Variants in RRAS2 observed in about 807,000 individuals in gnomAD.
The protein encoded by RRAS2 is ras-related protein R-Ras2.
In RRAS2, 7 loss-of-function variants were observed where a neutral mutation model predicts 27.6. That is an observed-to-expected ratio of 0.25 (90% CI 0.14 to 0.48). RRAS2 has a LOEUF of 0.48. Ranked by LOEUF, RRAS2 falls within the 20% of genes least tolerant of loss-of-function variation. RRAS2 has a pLI of 0.99. For missense variants in RRAS2, 178 were observed against 256.2 expected, an observed-to-expected ratio of 0.69 and a Z score of 2.08; for synonymous variants, 86 against 90.9, an observed-to-expected ratio of 0.95 and a Z score of 0.31.
At position 14,278,692 on chromosome 11, in the gene RRAS2, C is replaced by T. The variant is rs1591437572; in HGVS notation, c.*645G>A. The T allele has an allele frequency of 6.6e-6, 1 of 152,234 alleles. No individual in the cohort carries two copies. Among genetic ancestry groups the T allele is most frequent in the Non-Finnish European group, 1.5e-5 (1 of 67,992 alleles). 9.4% of individuals were successfully genotyped at this position (152,234 alleles called of 1,614,324 possible). ...GAAATATCTAAGTCCTAAATGAGTC[C>T]AAATATTTGACCACATAGAATATTA... On this transcript the variant is annotated 3_prime_UTR_variant, in exon 6 of 6. Coordinates refer to ENST00000256196, the MANE Select transcript of RRAS2 (RefSeq NM_012250.6).
At chr11:14,347,094 T>C (rs566213996) in intron 1 of RRAS2, among the ~76,000 whole-genome samples, 2 of 152,150 alleles carry the variant, frequency 1.3e-5, no homozygotes, top group Admixed American at 1.3e-4. Flanking sequence ...CCTAGGAGTT[T>C]CAATGTTGCA....
chr11:14,281,001 T>TA (rs1849519063), intron 5 of RRAS2, among the ~76,000 whole-genome samples: 1 of 152,202 alleles, frequency 6.6e-6, no homozygotes, highest in African/African-American at 2.4e-5. Context: ...CTATGGCATC[T>TA]AACAGAAAAA....
intron 1 of RRAS2, among the ~76,000 whole-genome samples, chr11:14,319,435 T>C (rs1429878795): frequency 7.2e-6 from 1 of 138,386 alleles, no homozygotes; most frequent in Non-Finnish European, 1.5e-5. Context: ...CTCGGCTCAG[T>C]GCAAGCTCCA....
chr11:14,351,767 C>T (rs1257581325), intron 1 of RRAS2, among the ~76,000 whole-genome samples: 1 of 150,708 alleles, frequency 6.6e-6, no homozygotes, highest in Admixed American at 6.6e-5. Flanking sequence ...TGGTGGTGGG[C>T]GCCTGTAATC....
In RRAS2 at chr11:14,278,260, G is replaced by GGTACAA. The variant is rs1394956887; in HGVS notation, c.*1076_*1077insTTGTAC. On this transcript the variant is annotated 3_prime_UTR_variant, in exon 6 of 6. Coordinates refer to ENST00000256196, the MANE Select transcript of RRAS2 (RefSeq NM_012250.6). ...GGTTTCTTGAGTAGTTATGTGACTGGCCAAAGATGGGTACAACCAAGACCA... is the reference window on the plus strand; with the variant it reads ...GGTTTCTTGAGTAGTTATGTGACTGGGTACAACCAAAGATGGGTACAACCAAGACCA... 6.6e-6 allele frequency: 1 copy of GGTACAA among 152,168 alleles called. No individual in the cohort carries two copies. Among genetic ancestry groups the GGTACAA allele is most frequent in the African/African-American group, 2.4e-5 (1 of 41,440 alleles). 9.4% of individuals were successfully genotyped at this position (152,168 alleles called of 1,614,324 possible).
chr11:14,310,428 A>G (rs1269604739), intron 1 of RRAS2, among the ~76,000 whole-genome samples: 1 of 152,198 alleles, frequency 6.6e-6, no homozygotes, highest in African/African-American at 2.4e-5. Context: ...GGTCAGGAAA[A>G]TGAGAAAGAT....
intron 4 of RRAS2, 102 bp from the exon 5 acceptor site, chr11:14,281,822 AGTT>A (rs1554944370): frequency 1.0e-6 from 1 of 1,000,230 alleles, no homozygotes; most frequent in Non-Finnish European, 1.5e-6. Context: ...CAAGAGGCCA[AGTT>A]GTTTTATCAT....
At chr11:14,343,146 A>G (rs1423773579) in intron 1 of RRAS2, among the ~76,000 whole-genome samples, 3 of 152,244 alleles carry the variant, frequency 2.0e-5, no homozygotes, top group Non-Finnish European at 4.4e-5. Flanking sequence ...AGACAACTTC[A>G]TTGGATAATC....
intron 1 of RRAS2, among the ~76,000 whole-genome samples, chr11:14,327,449 C>A (rs1848386339): frequency 6.6e-6 from 1 of 152,150 alleles, no homozygotes; most frequent in Admixed American, 6.5e-5. Context: ...GAAAGAAAAA[C>A]AATTCCATGC....
chr11:14,309,749 CAACA>C (rs1847916475), intron 1 of RRAS2, among the ~76,000 whole-genome samples: 1 of 152,090 alleles, frequency 6.6e-6, no homozygotes, highest in African/African-American at 2.4e-5. Flanking sequence ...GTAGCTACAA[CAACA>C]AACATGAGAG....
intron 1 of RRAS2, among the ~76,000 whole-genome samples, chr11:14,330,368 C>T (rs1033454599): frequency 1.3e-5 from 2 of 152,046 alleles, no homozygotes; most frequent in Admixed American, 6.6e-5. Context: ...AAAAATTAGC[C>T]GGGCATGGTG....
chr11:14,336,587 CAAAAT>C (rs1848593392), intron 1 of RRAS2, among the ~76,000 whole-genome samples: 1 of 152,022 alleles, frequency 6.6e-6, no homozygotes, highest in African/African-American at 2.4e-5. Context: ...ATACAATAAT[CAAAAT>C]AAAGAGCTCA....
upstream of RRAS2, among the ~76,000 whole-genome samples, chr11:14,361,366 C>CA (rs1849189375): frequency 6.6e-6 from 1 of 152,082 alleles, no homozygotes; most frequent in African/African-American, 2.4e-5. Context: ...ACTTGACCCA[C>CA]AAAATCATAA....
chr11:14,284,075 C>T (rs1489543974), intron 4 of RRAS2, among the ~76,000 whole-genome samples: 2 of 152,076 alleles, frequency 1.3e-5, no homozygotes, highest in South Asian at 2.1e-4. Flanking sequence ...CTTCTACTTA[C>T]TATGGGTTTT....
At chr11:14,345,602 G>A (rs1554953961) in intron 1 of RRAS2, among the ~76,000 whole-genome samples, 1 of 152,154 alleles carries the variant, frequency 6.6e-6, no homozygotes, top group East Asian at 1.9e-4. Flanking sequence ...CTTCTTTTAA[G>A]AATACACACA....
chr11:14,297,685 C>T (rs941179222), intron 1 of RRAS2, among the ~76,000 whole-genome samples: 4 of 152,028 alleles, frequency 2.6e-5, no homozygotes, highest in African/African-American at 9.7e-5. Flanking sequence ...CTGCTTGAGC[C>T]CAGGAGTTCG....
At chr11:14,362,484 A>G (rs1269463085), upstream of RRAS2, among the ~76,000 whole-genome samples, 1 of 152,234 alleles carries the variant, frequency 6.6e-6, no homozygotes, top group Non-Finnish European at 1.5e-5. Context: ...AGAAACTTCC[A>G]TGCAAACACA....
rs1344780351 is a variant in RRAS2 at position 14,285,754 on chromosome 11, C to A, written c.409-4034G>T. Among the ~76,000 whole-genome samples the A allele has an allele frequency of 8.5e-5, 13 of 152,308 alleles. No individual in the cohort carries two copies. In the South Asian group the frequency reaches 2.7e-3, roughly 32 times the overall value. ...CTATCAGTACTTAAAAGATTCTGCA[C>A]CACTATCTTCTGGCTTCACTGTTCA... On this transcript the variant is annotated intron_variant, in intron 4 of 5. Coordinates refer to ENST00000256196, the MANE Select transcript of RRAS2 (RefSeq NM_012250.6).
intron 4 of RRAS2, among the ~76,000 whole-genome samples, chr11:14,283,275 A>G (rs186513434): frequency 6.6e-6 from 1 of 152,204 alleles, no homozygotes. Context: ...ACTCTCCTTG[A>G]GTGATATATT....
Sources: gnomAD v4.1 joint callset for allele counts (sites outside exome capture counted in the v4.1 genomes callset) on GRCh38, gnomAD v4.1.1 for gene constraint, MANE v1.5 for transcripts, NCBI Gene and HGNC (gene_info 2026-07-23, HGNC 2026-07-21) for gene names.